ANKS1B: variants seen among roughly 807,000 people sequenced by gnomAD.
The protein encoded by ANKS1B is ankyrin repeat and sterile alpha motif domain-containing protein 1B.
In ANKS1B, 36 loss-of-function variants were observed where a neutral mutation model predicts 148.3. The ratio of observed to expected loss-of-function variants is 0.24; its 90% CI spans 0.19 to 0.32. The LOEUF (loss-of-function observed/expected upper bound fraction) is 0.32, where lower values mean the gene tolerates loss of function less well. ANKS1B is among the 10% of genes least tolerant of loss of function. The pLI is 1.00. For missense variants in ANKS1B, 1,157 were observed against 1,542.6 expected, an observed-to-expected ratio of 0.75 and a Z score of 4.19; for synonymous variants, 542 against 560.8, an observed-to-expected ratio of 0.97 and a Z score of 0.47.
chr12:99,243,839 G>T (rs2089800010), intron 14 of ANKS1B, among the ~76,000 whole-genome samples: 1 of 152,110 alleles, frequency 6.6e-6, no homozygotes, highest in Non-Finnish European at 1.5e-5. Context: ...TGGACACAGG[G>T]TGGGGAACAT....
chr12:99,304,437 T>C (rs570350089), intron 12 of ANKS1B, among the ~76,000 whole-genome samples: 38 of 152,262 alleles, frequency 2.5e-4, no homozygotes, highest in Admixed American at 1.5e-3. Context: ...GTGCACTCTT[T>C]GTGCAGTGCT....
In ANKS1B at chr12:99,824,172, G is replaced by T. The variant is rs533354069; in HGVS notation, c.215+1137C>A. 7.9e-5 allele frequency among the ~76,000 whole-genome samples: 12 copies of T among 152,272 alleles called. No homozygotes were observed. The South Asian group carries it at 2.5e-3, about 32-fold the overall frequency. On this transcript the variant is annotated intron_variant, in intron 2 of 26. Coordinates refer to ENST00000683438, the MANE Select transcript of ANKS1B (RefSeq NM_001352186.2). The stretch of plus-strand genomic sequence containing the variant: ...TGATAGGAATAGTACGGAATCTGTA[G>T]ATTGTAACTAGCACTTTTAAAGCAG...
intron 14 of ANKS1B, among the ~76,000 whole-genome samples, chr12:99,156,197 C>T (rs1228662346): frequency 6.6e-6 from 1 of 152,054 alleles, no homozygotes; most frequent in Admixed American, 6.6e-5. Context: ...GAAATCAGTC[C>T]CCAAATTCTA....
chr12:99,667,055 T>C (rs575287908), intron 8 of ANKS1B, among the ~76,000 whole-genome samples: 25 of 152,198 alleles, frequency 1.6e-4, no homozygotes, highest in African/African-American at 5.5e-4. Flanking sequence ...ATTTTAAAAT[T>C]GAATTTTCAG....
chr12:99,341,031 T>C (rs1023512750), intron 12 of ANKS1B: 3 of 152,132 alleles, frequency 2.0e-5, no homozygotes, highest in African/African-American at 7.2e-5. Context: ...TGAAACTGTC[T>C]CCTCAAGAAG....
At chr12:99,935,396 A>G (rs2094739091) in intron 1 of ANKS1B, among the ~76,000 whole-genome samples, 2 of 152,006 alleles carry the variant, frequency 1.3e-5, no homozygotes, top group Admixed American at 6.6e-5. Flanking sequence ...ATCTTAAAGA[A>G]CGCACATTTA....
intron 1 of ANKS1B, among the ~76,000 whole-genome samples, chr12:99,859,679 C>T (rs1047414503): frequency 4.6e-5 from 7 of 151,128 alleles, no homozygotes; most frequent in Non-Finnish European, 7.4e-5. Context: ...CAGAGTCTTG[C>T]TCTGTCACCC....
chr12:99,961,530 C>G (rs961702109), intron 1 of ANKS1B, among the ~76,000 whole-genome samples: 13 of 152,262 alleles, frequency 8.5e-5, no homozygotes, highest in South Asian at 8.3e-4. Flanking sequence ...TGCCTTGATT[C>G]CTGGTCTTTT....
At chr12:99,869,059 AAAAT>A (rs767380371) in intron 1 of ANKS1B, among the ~76,000 whole-genome samples, 2 of 152,184 alleles carry the variant, frequency 1.3e-5, no homozygotes, top group African/African-American at 2.4e-5. Context: ...TCTGTCTCAA[AAAAT>A]AAATAAATAA....
At chr12:99,083,394 C>T (rs998284077) in intron 16 of ANKS1B, among the ~76,000 whole-genome samples, 2 of 152,092 alleles carry the variant, frequency 1.3e-5, no homozygotes, top group Non-Finnish European at 1.5e-5. Flanking sequence ...TCAACTTTCC[C>T]TCCTTCTAAT....
At chr12:99,729,868 ATGAG>A (rs1728499601) in intron 8 of ANKS1B, among the ~76,000 whole-genome samples, 1 of 152,186 alleles carries the variant, frequency 6.6e-6, no homozygotes, top group African/African-American at 2.4e-5. Context: ...TCTGTAAGTA[ATGAG>A]TATTTTTCCC....
chr12:98,829,457 C>T lies in ANKS1B; in HGVS notation c.2887-104G>A. On this transcript the variant is annotated intron_variant, in intron 18 of 26. Transcript: ENST00000683438. This position sits in a 1 kb window ranked among gnomAD's most constrained non-coding sequence, Gnocchi z 5.2. ...GACAAACTGTGGGGGTGGGGAGTCG[C>T]TTTTGAAGCAACAGCCAAGGAATGA... 6 of 1,108,388 alleles carry T rather than the reference C, an allele frequency of 5.4e-6. No individual in the cohort carries two copies. Among genetic ancestry groups the T allele is most frequent in the Non-Finnish European group, 7.7e-6 (6 of 776,260 alleles). 68.7% of individuals were successfully genotyped at this position (1,108,388 alleles called of 1,614,324 possible).
chr12:99,189,476 A>C (rs1454751788), intron 14 of ANKS1B, among the ~76,000 whole-genome samples: 1 of 152,216 alleles, frequency 6.6e-6, no homozygotes, highest in Non-Finnish European at 1.5e-5. Context: ...CCAGCAACAC[A>C]TCAAAAAGCT....
rs80280387 is a variant in ANKS1B, at chr12:99,197,587, C to T, written c.2420-43192G>A. 7.8e-3 allele frequency among the ~76,000 whole-genome samples: 1,187 copies of T among 152,256 alleles called. 13 individuals are homozygous for T. Among genetic ancestry groups the T allele is most frequent in the African/African-American group, 0.028 (1,152 of 41,548 alleles). ...TACCTAGGTGGGCCCAATCTAATCA[C>T]ATGAGTCCTCAAAAGCAGAGAATCT... On this transcript the variant is annotated intron_variant, in intron 14 of 26. Transcript: ENST00000683438.
chr12:99,448,156 A>T (rs750161231), intron 10 of ANKS1B, among the ~76,000 whole-genome samples: 4 of 152,150 alleles, frequency 2.6e-5, no homozygotes, highest in Non-Finnish European at 5.9e-5. Flanking sequence ...CTCCCATGTT[A>T]TTGTAGCATT....
intron 3 of ANKS1B, among the ~76,000 whole-genome samples, chr12:99,810,173 T>C (rs1031699643): frequency 1.3e-5 from 2 of 151,992 alleles, no homozygotes; most frequent in African/African-American, 4.8e-5. Flanking sequence ...CGACAAGTTG[T>C]TTAGTTTTAC....
rs572656879 is a variant in ANKS1B, at chr12:99,299,279, T to C, written c.1757-52415A>G. Among the ~76,000 whole-genome samples, 64 of 152,246 alleles carry C rather than the reference T, an allele frequency of 4.2e-4. 1 individual carries two copies. In the South Asian group the frequency reaches 0.012, roughly 29 times the overall value. Reference sequence around the variant, plus strand: ...TCTCGCTATGTTGTCCAGGCTGGTCTTGAACTCCTGGCCTGAAGCAATTCT... The same window carrying C: ...TCTCGCTATGTTGTCCAGGCTGGTCCTGAACTCCTGGCCTGAAGCAATTCT... On this transcript the variant is annotated intron_variant, in intron 12 of 26. Coordinates refer to ENST00000683438, the MANE Select transcript of ANKS1B (RefSeq NM_001352186.2).
chr12:99,101,872 G>A (rs2058032415), intron 15 of ANKS1B, among the ~76,000 whole-genome samples: 1 of 152,122 alleles, frequency 6.6e-6, no homozygotes, highest in African/African-American at 2.4e-5. Flanking sequence ...TTGAGGGGCT[G>A]TGTTCTGTTT....
intron 9 of ANKS1B, among the ~76,000 whole-genome samples, chr12:99,637,791 C>T (rs1232479326): frequency 2.3e-5 from 3 of 130,912 alleles, no homozygotes; most frequent in African/African-American, 5.6e-5. Context: ...ACTCCCCTTT[C>T]TATATATATA....
Sources: allele counts gnomAD v4.1 joint callset (sites outside exome capture counted in the v4.1 genomes callset), GRCh38; gene constraint gnomAD v4.1.1; non-coding constraint Gnocchi (gnomAD v3.1); transcripts MANE v1.5; gene names NCBI Gene and HGNC (gene_info 2026-07-23, HGNC 2026-07-21).